NHEJ1: variants seen among roughly 807,000 people sequenced by gnomAD.
NHEJ1 encodes the protein non-homologous end-joining factor 1.
Under a neutral mutation model 39.4 loss-of-function variants are expected in NHEJ1, and 22 were observed. The ratio of observed to expected loss-of-function variants is 0.56; its 90% CI spans 0.40 to 0.80. The LOEUF (loss-of-function observed/expected upper bound fraction) is 0.80, where lower values mean the gene tolerates loss of function less well. Ranked by LOEUF, NHEJ1 falls within the 30% of genes least tolerant of loss-of-function variation. The pLI, the probability that NHEJ1 is intolerant of heterozygous loss-of-function variation, is 0.00. For missense variants in NHEJ1, 329 were observed against 357.1 expected (o/e 0.92, Z 0.63); for synonymous variants, 154 against 135.6 (o/e 1.14, Z -0.94).
At chr2:219,144,813 T>C (rs1949720658) in intron 5 of NHEJ1, among the ~76,000 whole-genome samples, 1 of 152,188 alleles carries the variant, frequency 6.6e-6, no homozygotes, top group Admixed American at 6.5e-5. Flanking sequence ...CCAGCCTTGA[T>C]ACCTAAACTT....
chr2:219,134,681 G>C (rs566076729), intron 5 of NHEJ1, among the ~76,000 whole-genome samples: 1 of 152,182 alleles, frequency 6.6e-6, no homozygotes, highest in South Asian at 2.1e-4. Flanking sequence ...TTCGACCTGA[G>C]CTTCAACCCT....
intron 5 of NHEJ1, among the ~76,000 whole-genome samples, chr2:219,141,612 G>A (rs926630126): frequency 6.6e-6 from 1 of 152,164 alleles, no homozygotes; most frequent in African/African-American, 2.4e-5. Flanking sequence ...TAGTCTGGGG[G>A]AGTAGATAAT....
chr2:219,097,226 G>T (rs1156439626), intron 5 of NHEJ1, among the ~76,000 whole-genome samples: 1 of 152,116 alleles, frequency 6.6e-6, no homozygotes, highest in Non-Finnish European at 1.5e-5. Context: ...CTTACGATGG[G>T]TTTATCAGGA....
Position 219,080,481 on chromosome 2 carries a change from C to T in NHEJ1, c.589-2275G>A, listed in dbSNP as rs185510308. Among the ~76,000 whole-genome samples the T allele has an allele frequency of 5.5e-3, 829 of 150,532 alleles. 21 individuals carry two copies. Among genetic ancestry groups the T allele is most frequent in the Admixed American group, 0.047 (706 of 15,110 alleles). ...CAGAGCTTGCGGTGAGCTGAGATTG[C>T]GCCACTGCACTCCAGCCTGGGCGAC... On this transcript the variant is annotated intron_variant, in intron 5 of 7. Coordinates refer to ENST00000356853, the MANE Select transcript of NHEJ1 (RefSeq NM_024782.3).
chr2:219,134,096 T>A (rs1239892565), intron 5 of NHEJ1, among the ~76,000 whole-genome samples: 1 of 152,256 alleles, frequency 6.6e-6, no homozygotes, highest in Admixed American at 6.5e-5. Context: ...CATTGCCTTA[T>A]CCATTGATCG....
chr2:219,145,052 T>C (rs1019426230), intron 5 of NHEJ1, among the ~76,000 whole-genome samples: 6 of 152,080 alleles, frequency 3.9e-5, no homozygotes, highest in African/African-American at 1.4e-4. Flanking sequence ...CCGTTTCTAC[T>C]AAAAATACAA....
Position 219,147,774 on chromosome 2 carries a change from G to A in NHEJ1, c.412C>T (p.Pro138Ser). The A allele has an allele frequency of 6.2e-7, 1 of 1,614,148 alleles. No homozygotes were observed. Among genetic ancestry groups the A allele is most frequent in the Non-Finnish European group, 8.5e-7 (1 of 1,180,022 alleles). Residue 138 changes from proline to serine, a missense_variant, in exon 4 of 8, where the codon CCT (proline) becomes TCT (serine). By Grantham distance (74) the Pro-to-Ser change is moderately conservative (BLOSUM62 -1). Transcript: ENST00000356853. ...AATGCCAGACTCATGCCCATCAGAG[G>A]ACGAATCAAATGTTGGGAGACCTTT... ...PSLVSQHLIR[P>S]LMGMSLALQC... is the part of the protein sequence containing the mutation.
chr2:219,149,865 C>G (rs1157463877), intron 3 of NHEJ1, among the ~76,000 whole-genome samples: 3 of 152,216 alleles, frequency 2.0e-5, no homozygotes, highest in Non-Finnish European at 2.9e-5. Flanking sequence ...CAGCCACAGA[C>G]AATATGTAAA....
intron 5 of NHEJ1, among the ~76,000 whole-genome samples, chr2:219,118,126 C>T (rs1326653230): frequency 6.6e-6 from 1 of 152,128 alleles, no homozygotes; most frequent in African/African-American, 2.4e-5. Flanking sequence ...CCATGAGGAC[C>T]CCTGCCCCTT....
At chr2:219,123,127 G>A (rs1949486818) in intron 5 of NHEJ1, among the ~76,000 whole-genome samples, 1 of 152,188 alleles carries the variant, frequency 6.6e-6, no homozygotes, top group Non-Finnish European at 1.5e-5. Context: ...CACTGGTAGG[G>A]ATACACTGAC....
chr2:219,147,310 T>C (rs1949750372), intron 4 of NHEJ1, among the ~76,000 whole-genome samples: 2 of 152,142 alleles, frequency 1.3e-5, no homozygotes, highest in African/African-American at 4.8e-5. Flanking sequence ...TGAAACCCCG[T>C]CTATATTAAA....
At chr2:219,107,992 G>A (rs1010884634) in intron 5 of NHEJ1, among the ~76,000 whole-genome samples, 3 of 151,380 alleles carry the variant, frequency 2.0e-5, no homozygotes, top group South Asian at 4.2e-4. Context: ...GCTGGGCTTC[G>A]AGTCCGCTCA....
chr2:219,128,186 T>C (rs147986848), intron 5 of NHEJ1, among the ~76,000 whole-genome samples: 4 of 152,330 alleles, frequency 2.6e-5, no homozygotes, highest in Non-Finnish European at 4.4e-5. Context: ...GCGGTAAGTA[T>C]AGAAATTGAG....
chr2:219,110,849 C>G lies in NHEJ1; in HGVS notation c.589-32643G>C, dbSNP rs75689612. On this transcript the variant is annotated intron_variant, in intron 5 of 7. Coordinates refer to ENST00000356853, the MANE Select transcript of NHEJ1 (RefSeq NM_024782.3). ...GGCCACCGTGGATGGAGTCCATATG[C>G]TACTGTTCATCACAGCGCTCCTCCT... Among the ~76,000 whole-genome samples, 541 of 152,236 alleles carry G rather than the reference C, an allele frequency of 3.6e-3. 25 individuals are homozygous for G. In the East Asian group the frequency reaches 0.09, roughly 25 times the overall value.
intron 3 of NHEJ1, among the ~76,000 whole-genome samples, chr2:219,148,348 T>C (rs570097101): frequency 6.6e-6 from 1 of 150,984 alleles, no homozygotes; most frequent in East Asian, 1.9e-4. Flanking sequence ...AGCCCAGGAG[T>C]TCAAGAGCAG....
intron 3 of NHEJ1, among the ~76,000 whole-genome samples, chr2:219,151,696 T>A (rs1406246872): frequency 6.6e-6 from 1 of 152,006 alleles, no homozygotes; most frequent in Non-Finnish European, 1.5e-5. Context: ...AGAGACTAGA[T>A]AAAATGTGTA....
rs989507744 is a variant in NHEJ1, at chr2:219,105,701, A to G, written c.589-27495T>C. Among the ~76,000 whole-genome samples, 6 of 152,184 alleles carry G rather than the reference A, an allele frequency of 3.9e-5. No homozygotes were observed. The East Asian group carries it at 1.2e-3, about 29-fold the overall frequency. ...CCTATCCTCTAATTAGGGAAATCTCATTTATGAAGGTCCAACTCAAATTTC... is the reference window on the plus strand; with the variant it reads ...CCTATCCTCTAATTAGGGAAATCTCGTTTATGAAGGTCCAACTCAAATTTC... On this transcript the variant is annotated intron_variant, in intron 5 of 7. Coordinates refer to ENST00000356853, the MANE Select transcript of NHEJ1 (RefSeq NM_024782.3).
At chr2:219,077,576 T>C (rs1949026205) in intron 6 of NHEJ1, among the ~76,000 whole-genome samples, 1 of 152,300 alleles carries the variant, frequency 6.6e-6, no homozygotes, top group African/African-American at 2.4e-5. Context: ...GCAGGTAGGA[T>C]GAGAGTTTCC....
chr2:219,113,957 C>T (rs902123099), intron 5 of NHEJ1, among the ~76,000 whole-genome samples: 1 of 152,180 alleles, frequency 6.6e-6, no homozygotes, highest in African/African-American at 2.4e-5. Context: ...ATCCTCTTCC[C>T]ACAATATTCT....
Sources: allele counts gnomAD v4.1 joint callset (sites outside exome capture counted in the v4.1 genomes callset), GRCh38; gene constraint gnomAD v4.1.1; transcripts MANE v1.5; gene names NCBI Gene and HGNC (gene_info 2026-07-23, HGNC 2026-07-21).